Variants in GABRG3 observed in about 807,000 individuals in gnomAD.
The protein encoded by GABRG3 is gamma-aminobutyric acid type A receptor subunit gamma3, also known as gamma-aminobutyric acid receptor subunit gamma-3.
In GABRG3, 25 loss-of-function variants were observed where a neutral mutation model predicts 48.8. The observed-to-expected ratio is 0.51, with a 90% CI of 0.37 to 0.72. The LOEUF (loss-of-function observed/expected upper bound fraction) is 0.72. GABRG3 is among the 30% of genes least tolerant of loss of function. GABRG3 has a pLI of 0.00. For missense variants in GABRG3, 394 were observed against 577.9 expected, an observed-to-expected ratio of 0.68 and a Z score of 3.26; for synonymous variants, 227 against 217.6, an observed-to-expected ratio of 1.04 and a Z score of -0.38.
chr15:27,052,659 C>T (rs535542410), intron 3 of GABRG3, among the ~76,000 whole-genome samples: 1 of 152,250 alleles, frequency 6.6e-6, no homozygotes, highest in South Asian at 2.1e-4. Flanking sequence ...ATTAAAATAC[C>T]TAATGTAGAG....
chr15:27,075,596 G>T (rs893913348), intron 3 of GABRG3, among the ~76,000 whole-genome samples: 1 of 144,446 alleles, frequency 6.9e-6, no homozygotes. Context: ...AATAATTCAT[G>T]GGACCTGAGT....
At chr15:27,276,237 T>C (rs575386370) in intron 3 of GABRG3, among the ~76,000 whole-genome samples, 1 of 152,182 alleles carries the variant, frequency 6.6e-6, no homozygotes, top group Non-Finnish European at 1.5e-5. Context: ...AGCCAGGCAT[T>C]CTTTGTGATG....
intron 2 of GABRG3, among the ~76,000 whole-genome samples, chr15:27,001,753 G>A (rs1382480536): frequency 2.0e-5 from 3 of 152,160 alleles, no homozygotes; most frequent in African/African-American, 7.2e-5. Context: ...AAATAATGAG[G>A]TCATATGACC....
chr15:27,363,903 C>T (rs1895105968), intron 5 of GABRG3: 1 of 152,192 alleles, frequency 6.6e-6, no homozygotes, highest in African/African-American at 2.4e-5. Context: ...GATCCTCTGG[C>T]CATCCTGATC....
At chr15:26,980,749 G>C (rs1441104404) in intron 2 of GABRG3, among the ~76,000 whole-genome samples, 1 of 149,422 alleles carries the variant, frequency 6.7e-6, no homozygotes, top group Non-Finnish European at 1.5e-5. Flanking sequence ...TCTTATGTAA[G>C]AACTTTTCCT....
At chr15:27,222,286 G>T (rs1448506496) in intron 3 of GABRG3, among the ~76,000 whole-genome samples, 1 of 152,218 alleles carries the variant, frequency 6.6e-6, no homozygotes, top group East Asian at 1.9e-4. Flanking sequence ...GCCATCTAAG[G>T]CAGCAGTGCA....
intron 3 of GABRG3, among the ~76,000 whole-genome samples, chr15:27,181,873 C>T (rs1294183831): frequency 6.6e-6 from 1 of 152,040 alleles, no homozygotes; most frequent in African/African-American, 2.4e-5. Flanking sequence ...CAATCTTTCT[C>T]ATCCAGTTCT....
chr15:27,126,746 G>A (rs930237919), intron 3 of GABRG3, among the ~76,000 whole-genome samples: 4 of 152,186 alleles, frequency 2.6e-5, no homozygotes, highest in African/African-American at 7.2e-5. Context: ...TTGCAGCACC[G>A]CCTTTTGCCA....
chr15:27,115,572 C>T (rs1289847993), intron 3 of GABRG3, among the ~76,000 whole-genome samples: 1 of 152,142 alleles, frequency 6.6e-6, no homozygotes, highest in Non-Finnish European at 1.5e-5. Context: ...ATCAGTATTG[C>T]CAATGATTAT....
intron 5 of GABRG3, among the ~76,000 whole-genome samples, chr15:27,356,263 G>A (rs1429037107): frequency 1.3e-5 from 2 of 151,844 alleles, no homozygotes. Context: ...ATGAGGGAAG[G>A]GTAGGGGGTG....
chr15:27,010,989 G>A (rs2140666159), intron 2 of GABRG3, among the ~76,000 whole-genome samples: 1 of 152,144 alleles, frequency 6.6e-6, no homozygotes, highest in Non-Finnish European at 1.5e-5. Context: ...GGGATTACAG[G>A]CCCACACCAC....
chr15:27,158,160 G>A (rs574985785), intron 3 of GABRG3: 14 of 152,322 alleles, frequency 9.2e-5, no homozygotes, highest in African/African-American at 2.4e-4. Flanking sequence ...ATACAGCTGC[G>A]AGGAATAAGA....
chr15:27,461,239 CA>C (rs1388771861), intron 5 of GABRG3, among the ~76,000 whole-genome samples: 2 of 152,134 alleles, frequency 1.3e-5, no homozygotes, highest in Admixed American at 6.5e-5. Flanking sequence ...TTCAAGCTGT[CA>C]AAAATAGCAC....
chr15:27,461,669 G>A (rs533144796), intron 5 of GABRG3, among the ~76,000 whole-genome samples: 1 of 152,112 alleles, frequency 6.6e-6, no homozygotes, highest in Non-Finnish European at 1.5e-5. Flanking sequence ...ATTTTACAGA[G>A]AGTGATTGGT....
chr15:27,289,526 G>A (rs1378972195), intron 3 of GABRG3, among the ~76,000 whole-genome samples: 21 of 152,186 alleles, frequency 1.4e-4, no homozygotes, highest in Admixed American at 1.4e-3. Context: ...TGCTGTCCTA[G>A]CTATCTGCAA....
At chr15:27,307,806 T>TAAACATATATTAAATAAAC (rs1566772042) in intron 3 of GABRG3, among the ~76,000 whole-genome samples, 12 of 119,360 alleles carry the variant, frequency 1.0e-4, no homozygotes, top group African/African-American at 4.4e-4. Flanking sequence ...AAAATAAACA[T>TAAACATATATTAAATAAAC]AAACATATAT....
intron 6 of GABRG3, among the ~76,000 whole-genome samples, chr15:27,484,510 A>G (rs1191770610): frequency 6.6e-6 from 1 of 152,202 alleles, no homozygotes; most frequent in Non-Finnish European, 1.5e-5. Context: ...TGATAGACAC[A>G]CGTATATTTC....
At chr15:27,522,062 C>A (rs1035550784) in intron 7 of GABRG3, among the ~76,000 whole-genome samples, 1 of 151,848 alleles carries the variant, frequency 6.6e-6, no homozygotes, top group African/African-American at 2.4e-5. Flanking sequence ...ACGAAGAAAA[C>A]CATCATAGTC....
At chr15:27,013,060 A>G (rs1176936249) in intron 2 of GABRG3, among the ~76,000 whole-genome samples, 1 of 152,194 alleles carries the variant, frequency 6.6e-6, no homozygotes, top group African/African-American at 2.4e-5. Flanking sequence ...AGTGAAAAAT[A>G]AAATATTTTG....
Sources: gnomAD v4.1 joint callset for allele counts (sites outside exome capture counted in the v4.1 genomes callset) on GRCh38, gnomAD v4.1.1 for gene constraint, MANE v1.5 for transcripts, NCBI Gene and HGNC (gene_info 2026-07-23, HGNC 2026-07-21) for gene names.